POSTN: variants seen among roughly 807,000 people sequenced by gnomAD.
The protein encoded by POSTN is periostin.
A neutral mutation model predicts 104.5 loss-of-function variants in POSTN; 71 were observed. The observed-to-expected ratio is 0.68, with a 90% CI of 0.56 to 0.83. The LOEUF is 0.83. Among genes scored for constraint, POSTN ranks in the 40% least tolerant of loss-of-function variants. The pLI is 0.00. For synonymous variants in POSTN, 355 were observed against 340.7 expected (o/e 1.04, Z -0.46); for missense variants, 949 against 1,006.8 (o/e 0.94, Z 0.78).
intron 21 of POSTN, among the ~76,000 whole-genome samples, chr13:37,568,034 C>A (rs1410902037): frequency 6.6e-6 from 1 of 151,732 alleles, no homozygotes; most frequent in Non-Finnish European, 1.5e-5. Context: ...TCAATTTAAT[C>A]TTCATAATGT....
chr13:37,587,767 G>T, intron 5 of POSTN, 55 bp downstream of exon 5: 1 of 1,316,516 alleles, frequency 7.6e-7, no homozygotes, highest in Non-Finnish European at 1.1e-6. Context: ...AAAAAGTATA[G>T]ACAAAATTAA....
At chr13:37,589,454 C>G (rs1456356281) in intron 4 of POSTN, among the ~76,000 whole-genome samples, 1 of 152,038 alleles carries the variant, frequency 6.6e-6, no homozygotes, top group East Asian at 1.9e-4. Context: ...CCCATTAACT[C>G]GTCATTTAGC....
intron 21 of POSTN, among the ~76,000 whole-genome samples, chr13:37,565,814 A>T (rs1353443187): frequency 8.5e-5 from 13 of 152,174 alleles, no homozygotes; most frequent in Admixed American, 8.5e-4. Flanking sequence ...AGATGTAAAT[A>T]TAAATATTTC....
At chr13:37,597,934 GT>G in intron 1 of POSTN, among the ~76,000 whole-genome samples, 1 of 152,252 alleles carries the variant, frequency 6.6e-6, no homozygotes, top group East Asian at 1.9e-4. Flanking sequence ...AAAGAAGCTT[GT>G]GAACATTATG....
At chr13:37,566,414 C>CATGTT (rs1477978669) in intron 21 of POSTN, among the ~76,000 whole-genome samples, 2 of 152,006 alleles carry the variant, frequency 1.3e-5, no homozygotes, top group South Asian at 2.1e-4. Context: ...CTTAATTGAC[C>CATGTT]ATGTTAATGT....
chr13:37,582,501 G>A lies in POSTN; in HGVS notation c.1257C>T (p.Ser419=). Residue 419 remains serine, a synonymous_variant, in exon 10 of 23, where the codon AGC becomes AGT. Transcript: ENST00000379747. The stretch of plus-strand genomic sequence containing the variant: ...TTAATTTAAGGAGGCGCTGATCCAT[G>A]CTGAGAGTATCATCTGTAAATAAAT... The part of the protein sequence containing the change: ...VNNAFSDDTL[S]MDQRLLKLIL... 1 of 1,602,128 alleles carries A rather than the reference G, an allele frequency of 6.2e-7. No homozygotes were observed.
At chr13:37,571,545 G>C in intron 17 of POSTN, 87 bp from the exon 18 acceptor site, 1 of 968,814 alleles carries the variant, frequency 1.0e-6, no homozygotes, top group Non-Finnish European at 1.6e-6. Flanking sequence ...AACATTCGGT[G>C]TGACTCAACT....
chr13:37,585,667 G>C (rs1950722794), intron 7 of POSTN, among the ~76,000 whole-genome samples: 1 of 152,128 alleles, frequency 6.6e-6, no homozygotes, highest in South Asian at 2.1e-4. Flanking sequence ...GGCTGAGTAA[G>C]TGAAGTATGC....
At chr13:37,597,547 G>A (rs764826520) in intron 1 of POSTN, among the ~76,000 whole-genome samples, 3 of 152,066 alleles carry the variant, frequency 2.0e-5, no homozygotes, top group Non-Finnish European at 2.9e-5. Context: ...AACCAACTAG[G>A]ACTATTCAAA....
chr13:37,578,632 CT>C (rs1459039001), intron 15 of POSTN, among the ~76,000 whole-genome samples: 2 of 151,584 alleles, frequency 1.3e-5, no homozygotes, highest in African/African-American at 2.4e-5. Flanking sequence ...CCCATCTCTC[CT>C]AAAAATACAA....
chr13:37,575,620 C>G (rs867606450), intron 16 of POSTN, among the ~76,000 whole-genome samples: 1 of 152,062 alleles, frequency 6.6e-6, no homozygotes, highest in African/African-American at 2.4e-5. Flanking sequence ...TATTAGATAA[C>G]GGGCCACACT....
rs1233178581 is a variant in POSTN at position 37,580,566 on chromosome 13, G to A, written c.1524C>T (p.Arg508=). Residue 508 remains arginine (R), a synonymous_variant, in exon 11 of 23, where the codon CGC becomes CGT. Coordinates refer to ENST00000379747, the MANE Select transcript of POSTN (RefSeq NM_006475.3). The stretch of plus-strand genomic sequence containing the variant: ...GGTGCCACTAATAGGCTTACCTAAA[G>A]CGCTTATCTTGTTTTAACTTTTCAT... ...SLHEKLKQDK[R]FSTFLSLLEA... 5.6e-6 allele frequency: 9 copies of A among 1,613,918 alleles called. No homozygotes were observed. The highest frequency in any genetic ancestry group is 1.1e-5 in the South Asian group (1 of 91,084).
intron 1 of POSTN, 61 bp from the exon 2 acceptor site, chr13:37,597,343 T>C (rs1246521310): frequency 9.4e-7 from 1 of 1,067,098 alleles, no homozygotes; most frequent in African/African-American, 1.7e-5. Context: ...TTTTCGTATC[T>C]AAAGATTGGT....
At position 37,590,484 on chromosome 13, in the gene POSTN, G is replaced by A. The variant is rs758708074; in HGVS notation, c.329C>T (p.Ala110Val). The A allele has an allele frequency of 2.5e-6, 4 of 1,612,742 alleles. No homozygotes were observed. In the Admixed American group the frequency reaches 5.0e-5, roughly 20 times the overall value. Residue 110 changes from alanine to valine, a missense_variant, in exon 4 of 23, where the codon GCC (alanine) becomes GTC (valine). Ala to Val is a moderately conservative substitution (Grantham distance 64). Coordinates refer to ENST00000379747, the MANE Select transcript of POSTN (RefSeq NM_006475.3). Reference protein sequence around the residue: ...HVYGTLGIVGATTTQRYSDAS... With the variant: ...HVYGTLGIVGVTTTQRYSDAS... ...GTCAGAATAGCGCTGCGTTGTGGTG[G>A]CTCCCACGATGCCCAGAGTGCCATA...
At chr13:37,591,249 A>C (rs1950922538) in intron 3 of POSTN, among the ~76,000 whole-genome samples, 1 of 152,182 alleles carries the variant, frequency 6.6e-6, no homozygotes, top group Admixed American at 6.5e-5. Context: ...CCTATGCCTA[A>C]ATTGAGAAAA....
intron 1 of POSTN, 69 bp from the exon 2 acceptor site, chr13:37,597,351 G>T: frequency 1.0e-6 from 1 of 974,686 alleles, no homozygotes. Context: ...TCTAAAGATT[G>T]GTTGATAGAA....
chr13:37,593,840 C>G (rs1951010958), intron 2 of POSTN, among the ~76,000 whole-genome samples: 1 of 151,384 alleles, frequency 6.6e-6, no homozygotes, highest in Non-Finnish European at 1.5e-5. Flanking sequence ...CAAATTGAAC[C>G]CTGCTACACT....
chr13:37,589,703 C>A (rs1408392543), intron 4 of POSTN, among the ~76,000 whole-genome samples: 1 of 152,002 alleles, frequency 6.6e-6, no homozygotes, highest in African/African-American at 2.4e-5. Flanking sequence ...CAAGATAATG[C>A]CTACAGATAT....
At chr13:37,585,940 C>A (rs557074401) in intron 7 of POSTN, among the ~76,000 whole-genome samples, 199 bp downstream of exon 7, 1 of 152,292 alleles carries the variant, frequency 6.6e-6, no homozygotes, top group Non-Finnish European at 1.5e-5. Flanking sequence ...AGAATGTGAT[C>A]TTGAGAGTAT....
Sources: gnomAD v4.1 joint callset for allele counts (sites outside exome capture counted in the v4.1 genomes callset) on GRCh38, gnomAD v4.1.1 for gene constraint, MANE v1.5 for transcripts, NCBI Gene and HGNC (gene_info 2026-07-23, HGNC 2026-07-21) for gene names.